The following ABCB1 variants were observed in gnomAD, a reference collection of about 807,000 sequenced individuals.
ABCB1 encodes ATP-dependent translocase ABCB1.
In ABCB1, 69 loss-of-function variants were observed where a neutral mutation model predicts 142.0. The observed-to-expected ratio is 0.49, with a 90% CI of 0.40 to 0.59. ABCB1 has a LOEUF of 0.59. Among genes scored for constraint, ABCB1 ranks in the 20% least tolerant of loss-of-function variants. The probability of loss-of-function intolerance (pLI) is 0.00; values close to 1 mark genes in which losing one functional copy is unlikely to be tolerated. For synonymous variants in ABCB1, 532 were observed against 539.2 expected (o/e 0.99, Z 0.18); for missense variants, 1,326 against 1,554.7 (o/e 0.85, Z 2.47).
intron 1 of ABCB1, among the ~76,000 whole-genome samples, chr7:87,641,850 T>G (rs1033317346): frequency 6.6e-6 from 1 of 152,184 alleles, no homozygotes; most frequent in Non-Finnish European, 1.5e-5. Context: ...CCTCCAAAGA[T>G]TCATATTTAA....
intron 1 of ABCB1, among the ~76,000 whole-genome samples, chr7:87,674,021 G>A (rs532419415): frequency 4.1e-4 from 63 of 152,270 alleles, no homozygotes; most frequent in Middle Eastern, 3.4e-3. Context: ...TAACTCTGGG[G>A]AACTGGTACC....
At chr7:87,620,653 T>C (rs1216187745) in intron 1 of ABCB1, among the ~76,000 whole-genome samples, 1 of 152,216 alleles carries the variant, frequency 6.6e-6, no homozygotes, top group African/African-American at 2.4e-5. Flanking sequence ...AATCTTTATT[T>C]TTCTGAGCTA....
chr7:87,657,070 T>C (rs1385167881), intron 1 of ABCB1, among the ~76,000 whole-genome samples: 2 of 152,030 alleles, frequency 1.3e-5, no homozygotes, highest in Non-Finnish European at 2.9e-5. Context: ...CCCCTATTTC[T>C]CTCACTAAGT....
chr7:87,535,338 AT>A (rs143639915), intron 20 of ABCB1, among the ~76,000 whole-genome samples: 15,410 of 144,200 alleles, frequency 0.11, 903 homozygotes, highest in African/African-American at 0.17. Context: ...TCTTCTTTGC[AT>A]TTTTTTTTTT....
intron 1 of ABCB1, among the ~76,000 whole-genome samples, chr7:87,609,130 C>T (rs755454165): frequency 1.7e-4 from 26 of 151,906 alleles, no homozygotes; most frequent in African/African-American, 3.9e-4. Flanking sequence ...TAAAGTATTA[C>T]GGTGAAAAAC....
intron 1 of ABCB1, among the ~76,000 whole-genome samples, chr7:87,641,660 C>T (rs565073236): frequency 6.6e-6 from 1 of 152,274 alleles, no homozygotes; most frequent in African/African-American, 2.4e-5. Context: ...TTTACTCTGA[C>T]ACTAGATTGC....
chr7:87,556,154 A>C (rs1304648650), intron 8 of ABCB1, among the ~76,000 whole-genome samples: 1 of 152,214 alleles, frequency 6.6e-6, no homozygotes, highest in Non-Finnish European at 1.5e-5. Flanking sequence ...AGTAGGAATG[A>C]CTAAAAGAGA....
intron 1 of ABCB1, among the ~76,000 whole-genome samples, chr7:87,614,997 A>C (rs1819985744): frequency 6.6e-6 from 1 of 151,944 alleles, no homozygotes; most frequent in South Asian, 2.1e-4. Context: ...GGTGCCCGCC[A>C]CCATGTCCTG....
intron 3 of ABCB1, among the ~76,000 whole-genome samples, chr7:87,591,550 G>T (rs1018849156): frequency 6.6e-6 from 1 of 152,080 alleles, no homozygotes; most frequent in African/African-American, 2.4e-5. Flanking sequence ...AATTTACTAA[G>T]GTACTCATGT....
intron 26 of ABCB1, among the ~76,000 whole-genome samples, chr7:87,506,529 TAAAC>T (rs1814754502): frequency 6.6e-6 from 1 of 151,994 alleles, no homozygotes; most frequent in Non-Finnish European, 1.5e-5. Flanking sequence ...CTCCAACACT[TAAAC>T]AATTTTAATG....
intron 1 of ABCB1, among the ~76,000 whole-genome samples, chr7:87,610,144 T>A (rs1022729524): frequency 6.6e-6 from 1 of 152,068 alleles, no homozygotes; most frequent in African/African-American, 2.4e-5. Flanking sequence ...ACTGTTTGAA[T>A]AATATGCCCT....
chr7:87,552,653 A>T (rs61692083), intron 9 of ABCB1, among the ~76,000 whole-genome samples: 1,976 of 152,124 alleles, frequency 0.013, 44 homozygotes, highest in African/African-American at 0.045. Flanking sequence ...ATACTAAAAA[A>T]AAAAAACTTC....
At chr7:87,693,189 A>C (rs910947557) in intron 1 of ABCB1, among the ~76,000 whole-genome samples, 1 of 152,214 alleles carries the variant, frequency 6.6e-6, no homozygotes, top group Admixed American at 6.5e-5. Context: ...TGAAAAATAT[A>C]GCAGAAATTT....
At chr7:87,679,455 C>A (rs1482443653) in intron 1 of ABCB1, among the ~76,000 whole-genome samples, 1 of 149,812 alleles carries the variant, frequency 6.7e-6, no homozygotes, top group Non-Finnish European at 1.5e-5. Flanking sequence ...ATGGCACAAT[C>A]ATGGCTCACC....
intron 1 of ABCB1, among the ~76,000 whole-genome samples, chr7:87,625,073 G>A (rs1042545776): frequency 6.6e-6 from 1 of 152,082 alleles, no homozygotes; most frequent in African/African-American, 2.4e-5. Context: ...TGGCTAACAC[G>A]GTGAAACCCC....
chr7:87,561,796 G>C (rs1327413309), intron 7 of ABCB1, among the ~76,000 whole-genome samples: 1 of 152,086 alleles, frequency 6.6e-6, no homozygotes, highest in East Asian at 1.9e-4. Context: ...GACCAGCCTG[G>C]GCAGCATGGC....
chr7:87,521,615 C>T (rs1283404993), intron 21 of ABCB1: 3 of 769,010 alleles, frequency 3.9e-6, no homozygotes, highest in Non-Finnish European at 7.1e-6. Context: ...GATCCAAATA[C>T]CAAGCGCTCA....
chr7:87,549,313 A>G, intron 14 of ABCB1, 35 bp downstream of exon 14: 1 of 1,613,914 alleles, frequency 6.2e-7, no homozygotes, highest in Non-Finnish European at 8.5e-7. Context: ...TCTTATGCTT[A>G]TAAATCAGGT....
chr7:87,624,909 T>C (rs944103894), intron 1 of ABCB1, among the ~76,000 whole-genome samples: 21 of 152,326 alleles, frequency 1.4e-4, no homozygotes, highest in Admixed American at 1.4e-3. Flanking sequence ...TGGCAAAGTC[T>C]TGGTAAGCAA....
Sources: gnomAD v4.1 joint callset for allele counts (sites outside exome capture counted in the v4.1 genomes callset) on GRCh38, gnomAD v4.1.1 for gene constraint, MANE v1.5 for transcripts, NCBI Gene and HGNC (gene_info 2026-07-23, HGNC 2026-07-21) for gene names.